Variants in FHOD3 observed in about 807,000 individuals in gnomAD.
The protein encoded by FHOD3 is FH1/FH2 domain-containing protein 3.
FHOD3 carries 90 observed loss-of-function variants against 173.0 expected under a neutral mutation model. That is an observed-to-expected ratio of 0.52 (90% confidence interval 0.44 to 0.62). The LOEUF is 0.62. Among genes scored for constraint, FHOD3 ranks in the 20% least tolerant of loss-of-function variants. FHOD3 has a pLI of 0.00. For missense variants in FHOD3, 1,945 were observed against 2,034.7 expected (o/e 0.96, Z 0.85); for synonymous variants, 828 against 823.0 (o/e 1.01, Z -0.10).
At chr18:36,594,200 A>G (rs985939989) in intron 6 of FHOD3, among the ~76,000 whole-genome samples, 1 of 152,058 alleles carries the variant, frequency 6.6e-6, no homozygotes, top group Non-Finnish European at 1.5e-5. Context: ...GTGTGAGGGA[A>G]GGCCTCTGGG....
At chr18:36,474,882 C>T (rs1267100284) in intron 3 of FHOD3, among the ~76,000 whole-genome samples, 1 of 151,886 alleles carries the variant, frequency 6.6e-6, no homozygotes, top group East Asian at 1.9e-4. Context: ...TGGCCGGTTT[C>T]CCTTTAAGCT....
At chr18:36,455,276 G>C (rs556364246) in intron 3 of FHOD3, among the ~76,000 whole-genome samples, 2 of 152,290 alleles carry the variant, frequency 1.3e-5, no homozygotes, top group East Asian at 3.9e-4. Flanking sequence ...CAAGATGCTG[G>C]CTTACCTCCA....
chr18:36,750,252 C>T (rs1044848031), intron 24 of FHOD3, among the ~76,000 whole-genome samples: 39 of 152,194 alleles, frequency 2.6e-4, no homozygotes, highest in African/African-American at 9.4e-4. Context: ...AGTGCCACTA[C>T]ACTCCAGCCT....
chr18:36,374,063 G>T (rs2047319741), intron 3 of FHOD3, among the ~76,000 whole-genome samples: 1 of 152,126 alleles, frequency 6.6e-6, no homozygotes, highest in South Asian at 2.1e-4. Flanking sequence ...TTTTTCCCAG[G>T]AATAGTAAGG....
At chr18:36,437,865 T>C (rs1240296058) in intron 3 of FHOD3, among the ~76,000 whole-genome samples, 1 of 152,144 alleles carries the variant, frequency 6.6e-6, no homozygotes, top group African/African-American at 2.4e-5. Context: ...GATTTCACCA[T>C]GTTGGCCAGG....
intron 3 of FHOD3, among the ~76,000 whole-genome samples, chr18:36,453,301 G>A (rs2051974281): frequency 6.6e-6 from 1 of 152,198 alleles, no homozygotes; most frequent in African/African-American, 2.4e-5. Context: ...TAATTTACAT[G>A]ACAGTTTTGG....
At chr18:36,442,963 T>C (rs911123740) in intron 3 of FHOD3, among the ~76,000 whole-genome samples, 1 of 152,360 alleles carries the variant, frequency 6.6e-6, no homozygotes, top group African/African-American at 2.4e-5. Context: ...TTTTGTAGAA[T>C]GGCCCTCAAG....
chr18:36,441,888 T>A (rs562701195), intron 3 of FHOD3, among the ~76,000 whole-genome samples: 6 of 152,300 alleles, frequency 3.9e-5, no homozygotes, highest in Non-Finnish European at 8.8e-5. Context: ...ATGATTTTTT[T>A]AAAAAGCCCC....
Position 36,746,903 on chromosome 18 carries a change from C to T in FHOD3, c.4042-42C>T, listed in dbSNP as rs116561635. ...TTGTCTCTCAGTTCAGGCTGGTGTC[C>T]GGCGGTTTCAGTGTTTGCAGTGTTC... On this transcript the variant is annotated intron_variant, in intron 23 of 28. Transcript: ENST00000590592. 2.7e-3 allele frequency: 4,063 copies of T among 1,494,266 alleles called. 77 individuals are homozygous for T. In the African/African-American group the frequency reaches 0.048, roughly 18 times the overall value. 92.6% of individuals were successfully genotyped at this position (1,494,266 alleles called of 1,614,324 possible).
intron 1 of FHOD3, among the ~76,000 whole-genome samples, chr18:36,328,649 G>A (rs1290219270): frequency 4.6e-5 from 7 of 152,132 alleles, no homozygotes; most frequent in African/African-American, 9.7e-5. Context: ...GGTGGCTTCC[G>A]GGAGCCTCAC....
chr18:36,416,855 C>T (rs932561627), intron 3 of FHOD3, among the ~76,000 whole-genome samples: 5 of 152,212 alleles, frequency 3.3e-5, no homozygotes, highest in East Asian at 1.9e-4. Context: ...AGTGTACAAG[C>T]GCTTCCTCCT....
intron 3 of FHOD3, among the ~76,000 whole-genome samples, chr18:36,435,693 A>C (rs1397067763): frequency 1.3e-5 from 2 of 152,214 alleles, no homozygotes; most frequent in Non-Finnish European, 2.9e-5. Context: ...TGGAGTCAGT[A>C]AGGAATTTTC....
chr18:36,579,564 T>C (rs2058772699), intron 6 of FHOD3, among the ~76,000 whole-genome samples: 1 of 152,178 alleles, frequency 6.6e-6, no homozygotes, highest in African/African-American at 2.4e-5. Flanking sequence ...AAGAGGTGTT[T>C]AGGTCATGAA....
At position 36,693,182 on chromosome 18, in the gene FHOD3, G is replaced by A. The variant is rs761208188; in HGVS notation, c.2022-27G>A. On this transcript the variant is annotated intron_variant, in intron 16 of 28. Transcript: ENST00000590592. ...GCCACAGGCTCCTCTTTCGTTTGACGGAAACCCTTTGGAATTTAACTTTCA... is the reference window on the plus strand; with the variant it reads ...GCCACAGGCTCCTCTTTCGTTTGACAGAAACCCTTTGGAATTTAACTTTCA... 86 of 1,600,022 alleles carry A rather than the reference G, an allele frequency of 5.4e-5. No homozygotes were observed. Among genetic ancestry groups the A allele is most frequent in the Middle Eastern group, 3.8e-4 (2 of 5,208 alleles).
At chr18:36,612,770 T>C (rs2032818802) in intron 9 of FHOD3, among the ~76,000 whole-genome samples, 1 of 152,244 alleles carries the variant, frequency 6.6e-6, no homozygotes, top group South Asian at 2.1e-4. Context: ...ATCAGCCAAA[T>C]TACCTAAATC....
In FHOD3 at chr18:36,681,440, T is replaced by C; in HGVS notation, c.1840T>C (p.Ser614Pro). Reference sequence around the variant, plus strand: ...ATTAACTCATTGTATCTCCAGGTCATCACCGAGTGGTCTTCTCACATCATC... The same window carrying C: ...ATTAACTCATTGTATCTCCAGGTCACCACCGAGTGGTCTTCTCACATCATC... ...PPQEARLERS[S>P]PSGLLTSSFR... The change falls in exon 15 of 29, where the codon TCA becomes CCA. Residue 614 changes from serine to proline, a missense_variant. Ser to Pro is a moderately conservative substitution (Grantham distance 74). Transcript: ENST00000590592. The C allele has an allele frequency of 6.2e-7, 1 of 1,613,762 alleles. No homozygotes were observed. The highest frequency in any genetic ancestry group is 8.5e-7 in the Non-Finnish European group (1 of 1,179,836).
intron 3 of FHOD3, among the ~76,000 whole-genome samples, chr18:36,459,690 A>G (rs540229154): frequency 6.6e-5 from 10 of 152,336 alleles, no homozygotes; most frequent in African/African-American, 2.2e-4. Flanking sequence ...TGAAAAATAT[A>G]GCTTTAAAAT....
intron 4 of FHOD3, among the ~76,000 whole-genome samples, chr18:36,512,177 T>G (rs934016671): frequency 1.1e-4 from 16 of 152,238 alleles, no homozygotes; most frequent in African/African-American, 3.6e-4. Flanking sequence ...TGTAAATATT[T>G]CTGGCAGTGA....
chr18:36,588,569 T>G (rs1299463641), intron 6 of FHOD3, among the ~76,000 whole-genome samples: 1 of 152,226 alleles, frequency 6.6e-6, no homozygotes, highest in African/African-American at 2.4e-5. Context: ...GAAATTGTTT[T>G]CTTTTTTGGC....
Sources: allele counts gnomAD v4.1 joint callset (sites outside exome capture counted in the v4.1 genomes callset), GRCh38; gene constraint gnomAD v4.1.1; transcripts MANE v1.5; gene names NCBI Gene and HGNC (gene_info 2026-07-23, HGNC 2026-07-21).